The following ELOVL6 variants were observed in gnomAD, a reference collection of about 807,000 sequenced individuals.
ELOVL6 encodes the protein very long chain fatty acid elongase 6.
In ELOVL6, 8 loss-of-function variants were observed where a neutral mutation model predicts 31.7. The ratio of observed to expected loss-of-function variants is 0.25; its 90% CI spans 0.15 to 0.45. The LOEUF (loss-of-function observed/expected upper bound fraction) is 0.45. Among genes scored for constraint, ELOVL6 ranks in the 20% least tolerant of loss-of-function variants. ELOVL6 has a pLI of 1.00. For synonymous variants in ELOVL6, 101 were observed against 117.7 expected, an observed-to-expected ratio of 0.86 and a Z score of 0.92; for missense variants, 126 against 326.4, an observed-to-expected ratio of 0.39 and a Z score of 4.73.
intron 1 of ELOVL6, among the ~76,000 whole-genome samples, chr4:110,139,965 C>T (rs1292688498): frequency 6.6e-6 from 1 of 152,170 alleles, no homozygotes; most frequent in Non-Finnish European, 1.5e-5. Context: ...GGACGGATGG[C>T]TGTGTCACTG....
At chr4:110,158,476 G>A (rs2126268082) in intron 1 of ELOVL6, among the ~76,000 whole-genome samples, 1 of 144,756 alleles carries the variant, frequency 6.9e-6, no homozygotes, top group South Asian at 2.3e-4. Flanking sequence ...ACATTTTTCT[G>A]TATCCCGAGG....
rs541813793 is a variant in ELOVL6 at position 110,168,269 on chromosome 4, C to T, written c.89+29978G>A. On this transcript the variant is annotated intron_variant, in intron 1 of 3. Transcript: ENST00000302274. Reference sequence around the variant, plus strand: ...ATGGCTCATGCCTGTAATCCCAGCACTTTGGGAGTCTGAGGTGGGCAGATT... The same window carrying T: ...ATGGCTCATGCCTGTAATCCCAGCATTTTGGGAGTCTGAGGTGGGCAGATT... 1.3e-5 allele frequency among the ~76,000 whole-genome samples: 2 copies of T among 152,156 alleles called. 1 individual carries two copies. Among genetic ancestry groups the T allele is most frequent in the Non-Finnish European group, 2.9e-5 (2 of 68,010 alleles).
chr4:110,063,220 G>T (rs1421913013), intron 2 of ELOVL6, among the ~76,000 whole-genome samples: 3 of 152,172 alleles, frequency 2.0e-5, no homozygotes, highest in African/African-American at 7.2e-5. Flanking sequence ...ATTGCTATGA[G>T]AATTTTTATT....
At chr4:110,171,646 G>A (rs1046252412) in intron 1 of ELOVL6, among the ~76,000 whole-genome samples, 2 of 116,126 alleles carry the variant, frequency 1.7e-5, no homozygotes, top group African/African-American at 6.5e-5. Context: ...ATTGCCCTAT[G>A]TATCTTTTCA....
intron 1 of ELOVL6, among the ~76,000 whole-genome samples, chr4:110,130,451 G>T: frequency 6.6e-6 from 1 of 152,262 alleles, no homozygotes; most frequent in Admixed American, 6.5e-5. Context: ...ACAAAAAGCT[G>T]TCCTATACTT....
chr4:110,050,233 T>A lies in ELOVL6; in HGVS notation c.*1105A>T, dbSNP rs904336302. On this transcript the variant is annotated 3_prime_UTR_variant, in exon 4 of 4. Coordinates refer to ENST00000302274, the MANE Select transcript of ELOVL6 (RefSeq NM_024090.3). ...TTCGAACAGCCCTGTGATTTCCTTT[T>A]GGAATTCACAAAAATATCGAAAATA... 1.1e-4 allele frequency: 17 copies of A among 152,620 alleles called. No homozygotes were observed. Among genetic ancestry groups the A allele is most frequent in the African/African-American group, 3.1e-4 (13 of 41,432 alleles). 9.5% of individuals were successfully genotyped at this position (152,620 alleles called of 1,614,324 possible).
intron 1 of ELOVL6, among the ~76,000 whole-genome samples, chr4:110,140,902 T>C (rs976151314): frequency 2.6e-5 from 4 of 152,174 alleles, no homozygotes; most frequent in South Asian, 2.1e-4. Context: ...TACCCAAGAC[T>C]GGGCAATTTA....
intron 1 of ELOVL6, among the ~76,000 whole-genome samples, chr4:110,174,823 A>C (rs1280029593): frequency 1.3e-5 from 2 of 152,136 alleles, no homozygotes; most frequent in Admixed American, 1.3e-4. Flanking sequence ...ATTTAGATGC[A>C]CCTAAAACCA....
At chr4:110,141,342 C>T (rs1238636212) in intron 1 of ELOVL6, among the ~76,000 whole-genome samples, 4 of 152,154 alleles carry the variant, frequency 2.6e-5, no homozygotes, top group African/African-American at 7.2e-5. Context: ...GGATTACAGG[C>T]ATAAGCCACC....
At chr4:110,064,078 C>CAAA (rs34104506) in intron 2 of ELOVL6, among the ~76,000 whole-genome samples, 193 of 103,346 alleles carry the variant, frequency 1.9e-3, no homozygotes, top group African/African-American at 5.7e-3. Context: ...AACTCTGTCT[C>CAAA]AAAAAAAAAA....
chr4:110,099,687 T>C (rs1464791827), intron 2 of ELOVL6, among the ~76,000 whole-genome samples: 1 of 152,226 alleles, frequency 6.6e-6, no homozygotes, highest in Admixed American at 6.5e-5. Flanking sequence ...TTGGAACTCC[T>C]TATGCTGCTG....
intron 2 of ELOVL6, among the ~76,000 whole-genome samples, chr4:110,084,384 T>C (rs866799022): frequency 0.016 from 813 of 50,398 alleles, 60 homozygotes; most frequent in African/African-American, 0.045. Flanking sequence ...ATGATATATA[T>C]CGCATATATG....
intron 2 of ELOVL6, among the ~76,000 whole-genome samples, chr4:110,062,284 C>T (rs1019669168): frequency 6.6e-6 from 1 of 152,142 alleles, no homozygotes; most frequent in Non-Finnish European, 1.5e-5. Context: ...GGACATGTGC[C>T]TCATTCCCTA....
At chr4:110,084,541 C>G (rs1756162419) in intron 2 of ELOVL6, among the ~76,000 whole-genome samples, 2 of 48,864 alleles carry the variant, frequency 4.1e-5, no homozygotes, top group East Asian at 2.0e-3. Flanking sequence ...TACACACACA[C>G]ACACACACAC....
At chr4:110,127,595 A>C (rs1468833438) in intron 1 of ELOVL6, among the ~76,000 whole-genome samples, 1 of 151,370 alleles carries the variant, frequency 6.6e-6, no homozygotes, top group Non-Finnish European at 1.5e-5. Flanking sequence ...TCCAGGTGAA[A>C]GATAGTTTTC....
chr4:110,088,472 G>GT (rs1756332967), intron 2 of ELOVL6, among the ~76,000 whole-genome samples: 1 of 152,130 alleles, frequency 6.6e-6, no homozygotes, highest in Admixed American at 6.5e-5. Flanking sequence ...CACTGTGGCC[G>GT]TAAGTCTTGC....
chr4:110,161,439 GCA>G (rs1758628813), intron 1 of ELOVL6, among the ~76,000 whole-genome samples: 1 of 152,100 alleles, frequency 6.6e-6, no homozygotes. Flanking sequence ...TTTCAAACAT[GCA>G]CAGAGGGATG....
chr4:110,137,838 A>C (rs1202347025), intron 1 of ELOVL6, among the ~76,000 whole-genome samples: 1 of 152,210 alleles, frequency 6.6e-6, no homozygotes, highest in African/African-American at 2.4e-5. Flanking sequence ...ATTTCAAAAC[A>C]ACAGAACTGT....
chr4:110,156,042 C>T (rs561156202), intron 1 of ELOVL6, among the ~76,000 whole-genome samples: 4 of 152,262 alleles, frequency 2.6e-5, no homozygotes, highest in Non-Finnish European at 4.4e-5. Context: ...TCCAAATATG[C>T]CTGCTTTCCT....
Sources: gnomAD v4.1 joint callset for allele counts (sites outside exome capture counted in the v4.1 genomes callset) on GRCh38, gnomAD v4.1.1 for gene constraint, MANE v1.5 for transcripts, NCBI Gene and HGNC (gene_info 2026-07-23, HGNC 2026-07-21) for gene names.